Variants in MINDY4 observed in about 807,000 individuals in gnomAD.
The protein encoded by MINDY4 is MINDY lysine 48 deubiquitinase 4.
A neutral mutation model predicts 87.0 loss-of-function variants in MINDY4; 68 were observed. That is an observed-to-expected ratio of 0.78 (90% CI 0.64 to 0.96). The LOEUF is 0.96. Ranked by LOEUF, MINDY4 falls within the 40% of genes least tolerant of loss-of-function variation. The probability of loss-of-function intolerance (pLI) is 0.00; values close to 1 mark genes in which losing one functional copy is unlikely to be tolerated. For missense variants in MINDY4, 919 were observed against 928.2 expected (o/e 0.99, Z 0.13); for synonymous variants, 379 against 363.2 (o/e 1.04, Z -0.50).
At chr7:30,796,415 C>A (rs1166287637) in intron 5 of MINDY4, among the ~76,000 whole-genome samples, 4 of 152,054 alleles carry the variant, frequency 2.6e-5, no homozygotes, top group African/African-American at 9.7e-5. Flanking sequence ...GGATTTTGTC[C>A]TGGAGAAAGT....
chr7:30,801,445 C>T (rs1185166430), intron 5 of MINDY4, among the ~76,000 whole-genome samples: 1 of 152,070 alleles, frequency 6.6e-6, no homozygotes, highest in Non-Finnish European at 1.5e-5. Flanking sequence ...TTCTGGGGAC[C>T]TCTCTTCTGT....
At chr7:30,834,856 CACA>C (rs909584015) in intron 6 of MINDY4, among the ~76,000 whole-genome samples, 2 of 152,222 alleles carry the variant, frequency 1.3e-5, no homozygotes, top group African/African-American at 4.8e-5. Flanking sequence ...TCTGCTAGAA[CACA>C]ACAAGAGTCA....
chr7:30,884,268 A>G (rs1002652118), intron 17 of MINDY4, among the ~76,000 whole-genome samples: 1 of 152,170 alleles, frequency 6.6e-6, no homozygotes, highest in African/African-American at 2.4e-5. Flanking sequence ...GAGCGCCGAG[A>G]CATCCTCGAC....
At chr7:30,841,322 A>G (rs1343439333) in intron 9 of MINDY4, among the ~76,000 whole-genome samples, 6 of 152,254 alleles carry the variant, frequency 3.9e-5, no homozygotes, top group Admixed American at 3.3e-4. Flanking sequence ...GTGTTTGCAC[A>G]TGAGCACCTT....
At chr7:30,777,724 T>C (rs1374441464) in intron 1 of MINDY4, among the ~76,000 whole-genome samples, 1 of 152,200 alleles carries the variant, frequency 6.6e-6, no homozygotes, top group Non-Finnish European at 1.5e-5. Flanking sequence ...AGGCATGTTC[T>C]CAGCCTCCAG....
intron 9 of MINDY4, among the ~76,000 whole-genome samples, 179 bp downstream of exon 9, chr7:30,841,027 TTG>T (rs1487413016): frequency 6.6e-6 from 1 of 152,102 alleles, no homozygotes; most frequent in Non-Finnish European, 1.5e-5. Flanking sequence ...TTAAGGGGAC[TTG>T]TGCGCGTTTG....
intron 5 of MINDY4, among the ~76,000 whole-genome samples, chr7:30,823,310 A>G (rs529497513): frequency 5.3e-5 from 8 of 152,350 alleles, no homozygotes; most frequent in Admixed American, 5.2e-4. Context: ...ATTGGCATCT[A>G]CTGATGACCC....
intron 1 of MINDY4, among the ~76,000 whole-genome samples, chr7:30,772,724 C>A (rs943930059): frequency 2.0e-5 from 3 of 152,126 alleles, no homozygotes; most frequent in Admixed American, 2.0e-4. Context: ...CGCATCTGCC[C>A]TGTCTTTATG....
At chr7:30,850,728 A>G (rs1430953781) in intron 10 of MINDY4, among the ~76,000 whole-genome samples, 173 bp downstream of exon 10, 2 of 152,066 alleles carry the variant, frequency 1.3e-5, no homozygotes, top group Non-Finnish European at 2.9e-5. Flanking sequence ...ACTCAGGGAG[A>G]GCCCTGGCCT....
chr7:30,816,036 T>G (rs1032333932), intron 5 of MINDY4, among the ~76,000 whole-genome samples: 1 of 152,072 alleles, frequency 6.6e-6, no homozygotes, highest in African/African-American at 2.4e-5. Context: ...TGTCCTTGAC[T>G]CCCACCTCCA....
At chr7:30,795,916 C>T (rs1307647216) in intron 5 of MINDY4, among the ~76,000 whole-genome samples, 1 of 152,122 alleles carries the variant, frequency 6.6e-6, no homozygotes, top group East Asian at 1.9e-4. Context: ...TTGTGATTAC[C>T]TTGGACCCAC....
intron 13 of MINDY4, among the ~76,000 whole-genome samples, chr7:30,865,425 G>A (rs1264701412): frequency 6.6e-6 from 1 of 152,236 alleles, no homozygotes; most frequent in Non-Finnish European, 1.5e-5. Context: ...GACCCACGGG[G>A]GCATGGATGC....
chr7:30,840,895 C>CCCAGAGTGT (rs1789012862), intron 9 of MINDY4, 47 bp downstream of exon 9: 1 of 1,526,784 alleles, frequency 6.5e-7, no homozygotes, highest in Non-Finnish European at 9.0e-7. Flanking sequence ...CCAAGTCTTC[C>CCCAGAGTGT]CCAGAGTGTC....
intron 15 of MINDY4, among the ~76,000 whole-genome samples, chr7:30,879,676 T>C (rs1790400154): frequency 1.3e-5 from 2 of 152,232 alleles, no homozygotes; most frequent in Admixed American, 1.3e-4. Flanking sequence ...AAACGTTACT[T>C]CCTAAAAGGC....
chr7:30,876,025 G>A (rs1244107880), intron 15 of MINDY4, among the ~76,000 whole-genome samples: 2 of 152,184 alleles, frequency 1.3e-5, no homozygotes, highest in African/African-American at 4.8e-5. Context: ...GCCTAACAAA[G>A]TACCACAGAC....
At chr7:30,816,461 A>G (rs918433507) in intron 5 of MINDY4, among the ~76,000 whole-genome samples, 2 of 152,156 alleles carry the variant, frequency 1.3e-5, no homozygotes, top group African/African-American at 4.8e-5. Flanking sequence ...AGGGACACAT[A>G]CGGAAAGAGA....
At chr7:30,863,670 G>A (rs1267262660) in intron 13 of MINDY4, among the ~76,000 whole-genome samples, 1 of 152,098 alleles carries the variant, frequency 6.6e-6, no homozygotes, top group Non-Finnish European at 1.5e-5. Context: ...AAACCTAGCC[G>A]AGTGCTGCCG....
chr7:30,883,842 G>C (rs143126494), intron 17 of MINDY4, among the ~76,000 whole-genome samples: 1 of 152,158 alleles, frequency 6.6e-6, no homozygotes, highest in Non-Finnish European at 1.5e-5. Flanking sequence ...GAGAGAAGTC[G>C]CCTGGGTTCC....
chr7:30,833,560 T>C (rs1788770791), intron 6 of MINDY4, among the ~76,000 whole-genome samples: 1 of 152,120 alleles, frequency 6.6e-6, no homozygotes, highest in Admixed American at 6.5e-5. Context: ...ATTCTGCCCC[T>C]AGCCCCTCCC....
Sources: gnomAD v4.1 joint callset for allele counts (sites outside exome capture counted in the v4.1 genomes callset) on GRCh38, gnomAD v4.1.1 for gene constraint, MANE v1.5 for transcripts, NCBI Gene and HGNC (gene_info 2026-07-23, HGNC 2026-07-21) for gene names.